Variants in LZTS3 observed in about 807,000 individuals in gnomAD.
The protein encoded by LZTS3 is leucine zipper tumor suppressor family member 3, also known as leucine zipper putative tumor suppressor 3.
A neutral mutation model predicts 50.9 loss-of-function variants in LZTS3; 16 were observed. That is an observed-to-expected ratio of 0.31 (90% CI 0.21 to 0.48). The LOEUF is 0.48. Among genes scored for constraint, LZTS3 ranks in the 20% least tolerant of loss-of-function variants. The pLI, the probability that LZTS3 is intolerant of heterozygous loss-of-function variation, is 0.99. For synonymous variants in LZTS3, 408 were observed against 410.6 expected (o/e 0.99, Z 0.08); for missense variants, 816 against 931.0 (o/e 0.88, Z 1.61).
intron 1 of LZTS3, among the ~76,000 whole-genome samples, chr20:3,169,152 AC>A (rs1424619041): frequency 6.6e-6 from 1 of 152,196 alleles, no homozygotes; most frequent in Non-Finnish European, 1.5e-5. Context: ...AATGAAGGGC[AC>A]AAACAGCAAG....
At chr20:3,166,667 G>A (rs780481362) in intron 3 of LZTS3, 38 bp downstream of exon 3, 4 of 1,593,358 alleles carry the variant, frequency 2.5e-6, no homozygotes, top group East Asian at 2.3e-5. Flanking sequence ...CCCACCCCCA[G>A]AAAAAGGCTG....
At chr20:3,167,417 T>G in intron 2 of LZTS3, 1 of 1,129,962 alleles carries the variant, frequency 8.8e-7, no homozygotes, top group Non-Finnish European at 1.1e-6. Flanking sequence ...TCCATGCACA[T>G]AGCCCCCAGC....
chr20:3,164,397 C>G lies in LZTS3; in HGVS notation c.*57G>C. 6.8e-7 allele frequency: 1 copy of G among 1,478,470 alleles called. No homozygotes were observed. The highest frequency in any genetic ancestry group is 9.0e-7 in the Non-Finnish European group (1 of 1,110,140). The allele number at this position is 1,478,470 out of a possible 1,614,324, so 91.6% of individuals were successfully genotyped here. On this transcript the variant is annotated 3_prime_UTR_variant, in exon 5 of 5. Transcript: ENST00000337576. ...GAAGAGAGATGGAGGGGAGGGGACA[C>G]TGGGGACTCTGGCCTTTTGACAGGA...
chr20:3,170,480 C>T (rs1267864641), intron 1 of LZTS3, among the ~76,000 whole-genome samples: 8 of 25,644 alleles, frequency 3.1e-4, no homozygotes, highest in African/African-American at 1.8e-3. Flanking sequence ...CAGAGCGAGA[C>T]TACATCAAAA....
In LZTS3 at chr20:3,165,046, A is replaced by AGCT; in HGVS notation, c.1427_1429dup (p.Gln476dup). On this transcript the variant is annotated inframe_insertion, in exon 5 of 5. Coordinates refer to ENST00000337576, the MANE Select transcript of LZTS3 (RefSeq NM_001365618.1). The surrounding 1 kb of genome is among the most constrained non-coding windows in gnomAD (Gnocchi z 5.0). Reference sequence around the variant, plus strand: ...CCGCAGCGAAGCCCGGCCCTCCCGCAGCTGCGAGCGCAGTCCCACGATCTC... The same window carrying AGCT: ...CCGCAGCGAAGCCCGGCCCTCCCGCAGCTGCTGCGAGCGCAGTCCCACGATCTC... 6.3e-7 allele frequency: 1 copy of AGCT among 1,575,638 alleles called. No homozygotes were observed.
rs866091466 is a variant in LZTS3, at chr20:3,164,480, C to G, written c.1996G>C (p.Glu666Gln). The change falls in exon 5 of 5, where the codon GAG (glutamate) becomes CAG (glutamine). Residue 666 changes from glutamate (E) to glutamine (Q), a missense_variant. By Grantham distance (29) the Glu-to-Gln change is conservative (BLOSUM62 2). This residue lies in a region of LZTS3 where 107 missense variants were observed against 130.4 expected (regional missense o/e 0.82). Transcript: ENST00000337576. ...CAGATTTCTGTGGACTCAATGCGCT[C>G]GAGGCGGGAGGGGGTCCAGGCCTTC... Reference protein sequence around the residue: ...EKKAWTPSRLERIESTEI With the variant: ...EKKAWTPSRLQRIESTEI 8 of 1,555,972 alleles carry G rather than the reference C, an allele frequency of 5.1e-6. No individual in the cohort carries two copies. The highest frequency in any genetic ancestry group is 7.0e-6 in the Non-Finnish European group (8 of 1,149,108).
Position 3,164,763 on chromosome 20 carries a change from C to A in LZTS3, c.1713G>T (p.Arg571=). 1 of 1,522,872 alleles carries A rather than the reference C, an allele frequency of 6.6e-7. No individual in the cohort carries two copies. The allele number at this position is 1,522,872 out of a possible 1,614,324, so 94.3% of individuals were successfully genotyped here. The part of the protein sequence containing the change: ...EAEAGGESGT[R]ALRREVGRLQ... ...GCCGCCCCACCTCCCGCCGCAGGGC[C>A]CGCGTCCCGCTCTCCCCGCCAGCCT... Residue 571 remains arginine (R), a synonymous_variant, in exon 5 of 5, where the codon CGG becomes CGT. Coordinates refer to ENST00000337576, the MANE Select transcript of LZTS3 (RefSeq NM_001365618.1).
Position 3,164,781 on chromosome 20 carries a change from G to C in LZTS3, c.1695C>G (p.Gly565=), listed in dbSNP as rs1009696149. Residue 565 remains glycine, a synonymous_variant, in exon 5 of 5, where the codon GGC becomes GGG. Coordinates refer to ENST00000337576, the MANE Select transcript of LZTS3 (RefSeq NM_001365618.1). The part of the protein sequence containing the change: ...LVSVDGEAEA[G]GESGTRALRR... ...GCAGGGCCCGCGTCCCGCTCTCCCC[G>C]CCAGCCTCCGCCTCCCCGTCCACGG... 4.6e-6 allele frequency: 7 copies of C among 1,525,382 alleles called. No homozygotes were observed. The Admixed American group carries it at 1.0e-4, about 22-fold the overall frequency. The allele number at this position is 1,525,382 out of a possible 1,614,324, so 94.5% of individuals were successfully genotyped here. A position where few individuals can be genotyped will look rare whatever the true frequency, so the allele number is the denominator to read the frequency against.
In LZTS3 at chr20:3,165,127, G is replaced by A. The variant is rs926345462; in HGVS notation, c.1349C>T (p.Ser450Phe). The A allele has an allele frequency of 2.9e-5, 46 of 1,583,152 alleles. No homozygotes were observed. The highest frequency in any genetic ancestry group is 3.9e-5 in the Non-Finnish European group (46 of 1,165,588). The change falls in exon 5 of 5, where the codon TCC (serine) becomes TTC (phenylalanine). Residue 450 changes from serine to phenylalanine, a missense_variant. Coordinates refer to ENST00000337576, the MANE Select transcript of LZTS3 (RefSeq NM_001365618.1). This position sits in a 1 kb window ranked among gnomAD's most constrained non-coding sequence, Gnocchi z 5.0. ...GTCCTTCAGCTGCTGCTTCAGGAGG[G>A]AGATCTCGCCAGCCTTCTGGCACAC... ...WEVCQKAGEI[S>F]LLKQQLKDSQ...
At chr20:3,170,234 A>C (rs1319651692) in intron 1 of LZTS3, among the ~76,000 whole-genome samples, 1 of 152,168 alleles carries the variant, frequency 6.6e-6, no homozygotes, top group African/African-American at 2.4e-5. Flanking sequence ...TCACACCTGT[A>C]ATGCCAGCAC....
intron 3 of LZTS3, 57 bp downstream of exon 3, chr20:3,166,648 G>A: frequency 6.3e-7 from 1 of 1,575,566 alleles, no homozygotes; most frequent in South Asian, 1.2e-5. Flanking sequence ...CTTCCTCTCT[G>A]GGTTGCCTCC....
chr20:3,168,007 G>T, intron 1 of LZTS3, 46 bp from the exon 2 acceptor site: 1 of 342,818 alleles, frequency 2.9e-6, no homozygotes, highest in Non-Finnish European at 4.1e-6. Context: ...GGGCTGCCGC[G>T]TGCCAGGCGC....
At chr20:3,173,247 C>T (rs892360775) in intron 1 of LZTS3, among the ~76,000 whole-genome samples, 1 of 152,124 alleles carries the variant, frequency 6.6e-6, no homozygotes, top group Non-Finnish European at 1.5e-5. Context: ...ATCCGAGCCG[C>T]ACCCCCTCTG....
chr20:3,165,588 A>G lies in LZTS3; in HGVS notation c.1232T>C (p.Met411Thr). The G allele has an allele frequency of 6.3e-7, 1 of 1,596,628 alleles. No homozygotes were observed. The highest frequency in any genetic ancestry group is 1.7e-4 in the Middle Eastern group (1 of 5,912). ...GTCCTCCAGCTCTTCCCGCTGCCGC[A>G]TCAGCCGGGCCGCCTCCTCCTGCAG... ...KQLQEEAARL[M>T]RQREELEDKV... The change falls in exon 4 of 5, where the codon ATG becomes ACG. Residue 411 changes from methionine to threonine, a missense_variant. Coordinates refer to ENST00000337576, the MANE Select transcript of LZTS3 (RefSeq NM_001365618.1). This position sits in a 1 kb window ranked among gnomAD's most constrained non-coding sequence, Gnocchi z 5.0.
intron 2 of LZTS3, chr20:3,167,427 C>G (rs1303149525): frequency 1.6e-6 from 2 of 1,281,678 alleles, no homozygotes; most frequent in East Asian, 3.0e-5. Context: ...TAGCCCCCAG[C>G]GTTGCTCAGC....
At position 3,163,326 on chromosome 20, in the gene LZTS3, G is replaced by C. The variant is rs2066758551; in HGVS notation, c.*1128C>G. On this transcript the variant is annotated 3_prime_UTR_variant, in exon 5 of 5. Coordinates refer to ENST00000337576, the MANE Select transcript of LZTS3 (RefSeq NM_001365618.1). This position sits in a 1 kb window ranked among gnomAD's most constrained non-coding sequence, Gnocchi z 5.2. ...AGGGCGCCAGGAACCTCTCAGGTCA[G>C]CCTTGTTCTTCAAGGGCAATCACAT... 1 of 152,908 alleles carries C rather than the reference G, an allele frequency of 6.5e-6. No homozygotes were observed. The highest frequency in any genetic ancestry group is 1.5e-5 in the Non-Finnish European group (1 of 68,346). The allele number at this position is 152,908 out of a possible 1,614,324, so 9.5% of individuals were successfully genotyped here.
At chr20:3,170,486 CAAAAAAA>C (rs397955055) in intron 1 of LZTS3, among the ~76,000 whole-genome samples, 1 of 72,584 alleles carries the variant, frequency 1.4e-5, no homozygotes, top group South Asian at 6.3e-4. Context: ...GAGACTACAT[CAAAAAAA>C]AAAAAAAAAA....
At chr20:3,170,103 AG>A (rs1436450087) in intron 1 of LZTS3, among the ~76,000 whole-genome samples, 1 of 152,134 alleles carries the variant, frequency 6.6e-6, no homozygotes, top group Non-Finnish European at 1.5e-5. Context: ...TAAAAATAAC[AG>A]GGCCAGGTAA....
intron 1 of LZTS3, chr20:3,168,362 A>AGGGGC (rs1180948930): frequency 7.1e-6 from 1 of 140,692 alleles, no homozygotes; most frequent in Non-Finnish European, 1.6e-5. Flanking sequence ...AGGGGAGGGG[A>AGGGGC]GGGGCCGCTG....
Sources: gnomAD v4.1 joint callset for allele counts (sites outside exome capture counted in the v4.1 genomes callset) on GRCh38, gnomAD v4.1.1 for gene constraint, gnomAD v4.1.1 regional missense constraint, Gnocchi (gnomAD v3.1) non-coding constraint, MANE v1.5 for transcripts, NCBI Gene and HGNC (gene_info 2026-07-23, HGNC 2026-07-21) for gene names.